EXOC5: variants seen among roughly 807,000 people sequenced by gnomAD.
The protein encoded by EXOC5 is exocyst complex component 5, also known as SEC10-like 1.
Under a neutral mutation model 90.8 loss-of-function variants are expected in EXOC5, and 17 were observed. The observed-to-expected ratio is 0.19, with a 90% CI of 0.13 to 0.28. The LOEUF (loss-of-function observed/expected upper bound fraction) is 0.28. Ranked by LOEUF, EXOC5 falls within the 10% of genes least tolerant of loss-of-function variation. The pLI is 1.00. For missense variants in EXOC5, 569 were observed against 830.6 expected (o/e 0.69, Z 3.87); for synonymous variants, 260 against 270.0 (o/e 0.96, Z 0.36).
chr14:57,243,086 G>C (rs1883920897), intron 4 of EXOC5, among the ~76,000 whole-genome samples: 1 of 152,112 alleles, frequency 6.6e-6, no homozygotes, highest in Non-Finnish European at 1.5e-5. Flanking sequence ...ATGGACTTTG[G>C]GGGCTCTAAA....
intron 12 of EXOC5, among the ~76,000 whole-genome samples, chr14:57,227,552 G>A (rs892812512): frequency 2.0e-5 from 3 of 151,942 alleles, no homozygotes; most frequent in South Asian, 4.1e-4. Context: ...TCAAAATAAC[G>A]GTACCAATTT....
Position 57,205,723 on chromosome 14 carries a change from C to T in EXOC5, c.*2886G>A. The T allele has an allele frequency of 2.7e-6, 1 of 370,870 alleles. No homozygotes were observed. The highest frequency in any genetic ancestry group is 7.6e-5 in the East Asian group (1 of 13,138). 23.0% of individuals were successfully genotyped at this position (370,870 alleles called of 1,614,324 possible). ...AACCAGAAGGCTAGTATTTAGAAAGCAAAATATTTAGAAGTGAAAGAGGGG... is the reference window on the plus strand; with the variant it reads ...AACCAGAAGGCTAGTATTTAGAAAGTAAAATATTTAGAAGTGAAAGAGGGG... On this transcript the variant is annotated 3_prime_UTR_variant, in exon 18 of 18. Transcript: ENST00000621441.
Position 57,204,006 on chromosome 14 carries a change from T to C in EXOC5, c.*4603A>G, listed in dbSNP as rs1254512226. On this transcript the variant is annotated 3_prime_UTR_variant, in exon 18 of 18. Coordinates refer to ENST00000621441, the MANE Select transcript of EXOC5 (RefSeq NM_006544.4). The stretch of plus-strand genomic sequence containing the variant: ...GACTTTCCTCTGAGGTTGACTGCTA[T>C]GTGAAGTATGATGTGATATATTCCT... 2 of 152,728 alleles carry C rather than the reference T, an allele frequency of 1.3e-5. No homozygotes were observed. The highest frequency in any genetic ancestry group is 4.8e-5 in the African/African-American group (2 of 41,568). The allele number at this position is 152,728 out of a possible 1,614,324, so 9.5% of individuals were successfully genotyped here.
intron 1 of EXOC5, among the ~76,000 whole-genome samples, chr14:57,253,737 G>T (rs1013067316): frequency 2.6e-5 from 4 of 152,116 alleles, no homozygotes; most frequent in African/African-American, 9.7e-5. Flanking sequence ...TTTGACAAGG[G>T]TGCCAAGAAC....
chr14:57,216,193 A>G (rs891646779), intron 15 of EXOC5, among the ~76,000 whole-genome samples: 1 of 152,118 alleles, frequency 6.6e-6, no homozygotes, highest in African/African-American at 2.4e-5. Flanking sequence ...TTAGAGCTTG[A>G]AAGAATATTG....
chr14:57,204,753 TATA>T lies in EXOC5; in HGVS notation c.*3853_*3855del, dbSNP rs1244706483. 7 of 152,444 alleles carry T rather than the reference TATA, an allele frequency of 4.6e-5. No homozygotes were observed. Among genetic ancestry groups the T allele is most frequent in the Non-Finnish European group, 7.4e-5 (5 of 67,900 alleles). 9.4% of individuals were successfully genotyped at this position (152,444 alleles called of 1,614,324 possible). On this transcript the variant is annotated 3_prime_UTR_variant, in exon 18 of 18. Coordinates refer to ENST00000621441, the MANE Select transcript of EXOC5 (RefSeq NM_006544.4). ...TTAACATTAAAATTTCATGACCACT[TATA>T]ATATTTAAAAAATCAAATTTAAAAA...
At chr14:57,256,736 C>T (rs1884359306) in intron 1 of EXOC5, among the ~76,000 whole-genome samples, 2 of 152,164 alleles carry the variant, frequency 1.3e-5, no homozygotes, top group Admixed American at 6.5e-5. Context: ...ACACTTCACC[C>T]AATGTCATGT....
In EXOC5 at chr14:57,253,559, T is replaced by C. The variant is rs140303538; in HGVS notation, c.28-5847A>G. 1.4e-3 allele frequency among the ~76,000 whole-genome samples: 219 copies of C among 152,244 alleles called. 7 individuals are homozygous for C. In the East Asian group the frequency reaches 0.04, roughly 28 times the overall value. The stretch of plus-strand genomic sequence containing the variant: ...AAACCCCGAAGAGCACAAAACAATC[T>C]TGAAAAAGAACAGAGCAGCAGGACT... On this transcript the variant is annotated intron_variant, in intron 1 of 17. Coordinates refer to ENST00000621441, the MANE Select transcript of EXOC5 (RefSeq NM_006544.4).
chr14:57,268,551 T>G (rs1338144031), intron 1 of EXOC5, 71 bp downstream of exon 1: 14 of 1,545,762 alleles, frequency 9.1e-6, no homozygotes, highest in African/African-American at 1.4e-5. Flanking sequence ...AAACGCCCGC[T>G]CCTCGGCCCG....
Position 57,244,254 on chromosome 14 carries a change from G to T in EXOC5, c.376C>A (p.Arg126=). ...QLEGVNTPRQ[R]AVEAQKLMKY... Reference sequence around the variant, plus strand: ...ATCAATTTCTGAGCCTCCACTGCCCGTTGTCTGGGTGTGTTTACCCCCTCT... The same window carrying T: ...ATCAATTTCTGAGCCTCCACTGCCCTTTGTCTGGGTGTGTTTACCCCCTCT... The change falls in exon 4 of 18, where the codon CGG becomes AGG. Residue 126 remains arginine, a synonymous_variant. Transcript: ENST00000621441. 2 of 1,613,194 alleles carry T rather than the reference G, an allele frequency of 1.2e-6. No individual in the cohort carries two copies. The highest frequency in any genetic ancestry group is 1.7e-6 in the Non-Finnish European group (2 of 1,179,232).
Position 57,201,491 on chromosome 14 carries a change from C to CATAT in EXOC5, c.*7117_*7118insATAT. On this transcript the variant is annotated 3_prime_UTR_variant, in exon 18 of 18. Transcript: ENST00000621441. ...ATATGTACACACACGTGTATAAACA[C>CATAT]ACGTGTATATACACACACATATGTA... 1 of 119,516 alleles carries CATAT rather than the reference C, an allele frequency of 8.4e-6. No homozygotes were observed. The highest frequency in any genetic ancestry group is 1.5e-5 in the Non-Finnish European group (1 of 64,922). 7.4% of individuals were successfully genotyped at this position (119,516 alleles called of 1,614,324 possible). A position where few individuals can be genotyped will look rare whatever the true frequency, so the allele number is the denominator to read the frequency against.
chr14:57,235,373 C>T (rs978472375), intron 7 of EXOC5, among the ~76,000 whole-genome samples: 2 of 152,010 alleles, frequency 1.3e-5, no homozygotes, highest in African/African-American at 2.4e-5. Flanking sequence ...CAGATATTTA[C>T]GGTCACGTTT....
chr14:57,263,258 T>C (rs1594687628), intron 1 of EXOC5, among the ~76,000 whole-genome samples: 1 of 152,006 alleles, frequency 6.6e-6, no homozygotes, highest in Non-Finnish European at 1.5e-5. Flanking sequence ...ACCACTTGTG[T>C]CCTGGAGTTG....
chr14:57,229,965 CA>C lies in EXOC5; in HGVS notation c.1149-85del. ...GAGTACTTCCAAACTTAGTATATAT[CA>C]ACAACAAAAATGGACCAATAGCCAA... On this transcript the variant is annotated intron_variant, in intron 11 of 17. Transcript: ENST00000621441. 5.2e-6 allele frequency: 4 copies of C among 768,536 alleles called. No homozygotes were observed. In the East Asian group the frequency reaches 1.2e-4, roughly 24 times the overall value. The allele number at this position is 768,536 out of a possible 1,614,324, so 47.6% of individuals were successfully genotyped here.
chr14:57,233,896 G>C lies in EXOC5; in HGVS notation c.715-13C>G. On this transcript the variant is annotated splice_polypyrimidine_tract_variant and intron_variant, in intron 8 of 17. Transcript: ENST00000621441. ...TCAAATAAGCACCCTAAACAGCAGA[G>C]ACATTTTATACAGTGAACATATAAT... 1 of 1,606,766 alleles carries C rather than the reference G, an allele frequency of 6.2e-7. No homozygotes were observed. Among genetic ancestry groups the C allele is most frequent in the South Asian group, 1.1e-5 (1 of 90,528 alleles).
chr14:57,231,998 T>C (rs531950114), intron 10 of EXOC5: 4 of 301,374 alleles, frequency 1.3e-5, no homozygotes, highest in Admixed American at 4.8e-5. Context: ...CAGTGGCAGA[T>C]TGGCCTCAAG....
chr14:57,217,750 C>T (rs1594650634), intron 15 of EXOC5, among the ~76,000 whole-genome samples: 1 of 152,014 alleles, frequency 6.6e-6, no homozygotes, highest in South Asian at 2.1e-4. Context: ...AATGATTAAG[C>T]TTAGTGAGGA....
In EXOC5 at chr14:57,230,446, A is replaced by ACACACACAC. The variant is rs368164739; in HGVS notation, c.1149-566_1149-565insGTGTGTGTG. On this transcript the variant is annotated intron_variant, in intron 11 of 17. Transcript: ENST00000621441. ...GTAAACACACACACACACACACACA[A>ACACACACAC]ACACACACACAAATTCCTATTATTC... Among the ~76,000 whole-genome samples the ACACACACAC allele has an allele frequency of 3.5e-3, 513 of 148,250 alleles. 4 individuals are homozygous for ACACACACAC. The highest frequency in any genetic ancestry group is 0.013 in the African/African-American group (493 of 38,784).
intron 15 of EXOC5, among the ~76,000 whole-genome samples, chr14:57,212,742 T>C (rs1882866284): frequency 6.6e-6 from 1 of 152,218 alleles, no homozygotes; most frequent in African/African-American, 2.4e-5. Flanking sequence ...AACATAACGC[T>C]GTGTCTGTTC....
Sources: gnomAD v4.1 joint callset for allele counts (sites outside exome capture counted in the v4.1 genomes callset) on GRCh38, gnomAD v4.1.1 for gene constraint, MANE v1.5 for transcripts, NCBI Gene and HGNC (gene_info 2026-07-23, HGNC 2026-07-21) for gene names.